SNAP91: variants seen among roughly 807,000 people sequenced by gnomAD.
SNAP91 encodes clathrin coat assembly protein AP180.
In SNAP91, 27 loss-of-function variants were observed where a neutral mutation model predicts 100.3. The observed-to-expected ratio is 0.27, with a 90% confidence interval of 0.20 to 0.37. The LOEUF (loss-of-function observed/expected upper bound fraction) is 0.37. Ranked by LOEUF, SNAP91 falls within the 10% of genes least tolerant of loss-of-function variation. The pLI is 1.00. For synonymous variants in SNAP91, 404 were observed against 398.6 expected, an observed-to-expected ratio of 1.01 and a Z score of -0.16; for missense variants, 986 against 1,123.7, an observed-to-expected ratio of 0.88 and a Z score of 1.75.
At chr6:83,699,700 A>C (rs2099267416) in intron 2 of SNAP91, among the ~76,000 whole-genome samples, 2 of 152,168 alleles carry the variant, frequency 1.3e-5, no homozygotes, top group South Asian at 4.1e-4. Context: ...CAAATTCCAA[A>C]TAGAATAAAC....
intron 22 of SNAP91, among the ~76,000 whole-genome samples, chr6:83,589,135 A>G (rs1488831900): frequency 6.6e-6 from 1 of 152,164 alleles, no homozygotes; most frequent in Non-Finnish European, 1.5e-5. Context: ...AAACTATGCT[A>G]TTTCTGTGGC....
rs1457804204 is a variant in SNAP91 at position 83,554,088 on chromosome 6, C to T, written c.*208G>A. Reference sequence around the variant, plus strand: ...ATACACAAATAATCCAAATACACTACAATTTCAAGAGTAGGGATAACAGCT... The same window carrying T: ...ATACACAAATAATCCAAATACACTATAATTTCAAGAGTAGGGATAACAGCT... On this transcript the variant is annotated 3_prime_UTR_variant, in exon 30 of 30. Coordinates refer to ENST00000369694, the MANE Select transcript of SNAP91 (RefSeq NM_001242792.2). 6.3e-6 allele frequency: 1 copy of T among 159,012 alleles called. No homozygotes were observed. Among genetic ancestry groups the T allele is most frequent in the African/African-American group, 2.4e-5 (1 of 41,522 alleles). 9.9% of individuals were successfully genotyped at this position (159,012 alleles called of 1,614,324 possible).
At chr6:83,584,879 T>A (rs539910044) in intron 22 of SNAP91, among the ~76,000 whole-genome samples, 1 of 152,208 alleles carries the variant, frequency 6.6e-6, no homozygotes, top group South Asian at 2.1e-4. Context: ...CTTTCTCACA[T>A]CCAGAAAAAA....
chr6:83,597,745 C>T (rs1233546511), intron 16 of SNAP91, among the ~76,000 whole-genome samples: 1 of 152,206 alleles, frequency 6.6e-6, no homozygotes, highest in Non-Finnish European at 1.5e-5. Flanking sequence ...CCACATAAGC[C>T]ATCTTAAATC....
intron 22 of SNAP91, among the ~76,000 whole-genome samples, chr6:83,590,402 G>C (rs2093568528): frequency 6.6e-6 from 1 of 152,050 alleles, no homozygotes; most frequent in Non-Finnish European, 1.5e-5. Flanking sequence ...CTATTTTTGA[G>C]TCCTTGAACT....
In SNAP91 at chr6:83,632,543, G is replaced by A. The variant is rs369540954; in HGVS notation, c.765+8553C>T. 1.2e-4 allele frequency among the ~76,000 whole-genome samples: 19 copies of A among 152,258 alleles called. No homozygotes were observed. The East Asian group carries it at 3.7e-3, about 29-fold the overall frequency. ...ACACCAATTATTCTTAGGTTTGGTTGTTAAACAAAATCCCAGACTTCCTGG... is the reference window on the plus strand; with the variant it reads ...ACACCAATTATTCTTAGGTTTGGTTATTAAACAAAATCCCAGACTTCCTGG... On this transcript the variant is annotated intron_variant, in intron 8 of 29. Coordinates refer to ENST00000369694, the MANE Select transcript of SNAP91 (RefSeq NM_001242792.2).
chr6:83,696,059 C>T (rs1478956996), intron 2 of SNAP91, among the ~76,000 whole-genome samples: 1 of 152,058 alleles, frequency 6.6e-6, no homozygotes, highest in Admixed American at 6.6e-5. Context: ...TGGGTACAGT[C>T]ATGCTCACTC....
intron 14 of SNAP91, 27 bp downstream of exon 14, chr6:83,605,658 A>T (rs1323686024): frequency 6.4e-7 from 1 of 1,550,388 alleles, no homozygotes; most frequent in South Asian, 1.2e-5. Flanking sequence ...GAATAGAGAA[A>T]TGGCAAGGTT....
chr6:83,594,220 T>G (rs1478486559), intron 17 of SNAP91, among the ~76,000 whole-genome samples, 154 bp downstream of exon 17: 2 of 152,260 alleles, frequency 1.3e-5, no homozygotes, highest in African/African-American at 4.8e-5. Flanking sequence ...ATTGTCTTAA[T>G]GTTTTAAATG....
At chr6:83,594,632 C>A in intron 16 of SNAP91, 151 bp from the exon 17 acceptor site, 1 of 534,124 alleles carries the variant, frequency 1.9e-6, no homozygotes. Context: ...TGTCGGTGGT[C>A]ACAAAACAAT....
rs1205311445 is a variant in SNAP91, at chr6:83,661,664, C to A, written c.350-60G>T. On this transcript the variant is annotated intron_variant, in intron 4 of 29. Coordinates refer to ENST00000369694, the MANE Select transcript of SNAP91 (RefSeq NM_001242792.2). ...ATAAAATACCTTCAACTGTGCTTTG[C>A]ATAGTACTATTTTTTTTTAACTCTC... The A allele has an allele frequency of 1.1e-5, 10 of 942,368 alleles. No individual in the cohort carries two copies. In the East Asian group the frequency reaches 2.5e-4, roughly 24 times the overall value. 58.4% of individuals were successfully genotyped at this position (942,368 alleles called of 1,614,324 possible).
intron 2 of SNAP91, among the ~76,000 whole-genome samples, chr6:83,676,563 T>C (rs2128878484): frequency 6.6e-6 from 1 of 152,240 alleles, no homozygotes; most frequent in Non-Finnish European, 1.5e-5. Flanking sequence ...AAAGCCAGTG[T>C]GACTGGAGAA....
intron 2 of SNAP91, among the ~76,000 whole-genome samples, chr6:83,704,028 G>A (rs907807861): frequency 6.6e-6 from 1 of 152,154 alleles, no homozygotes; most frequent in African/African-American, 2.4e-5. Flanking sequence ...GTTCAAGCTT[G>A]ACACAATACT....
At chr6:83,685,896 T>C (rs140011967) in intron 2 of SNAP91, among the ~76,000 whole-genome samples, 2 of 152,204 alleles carry the variant, frequency 1.3e-5, no homozygotes. Context: ...TGTGCTTCCA[T>C]CTTTTTAAAA....
intron 2 of SNAP91, among the ~76,000 whole-genome samples, chr6:83,705,686 T>C (rs2099366385): frequency 6.6e-6 from 1 of 151,962 alleles, no homozygotes; most frequent in African/African-American, 2.4e-5. Context: ...GGTGCATTCC[T>C]GTAAGTCCCA....
At chr6:83,662,730 G>A (rs1337174866) in intron 3 of SNAP91, among the ~76,000 whole-genome samples, 2 of 151,988 alleles carry the variant, frequency 1.3e-5, no homozygotes, top group African/African-American at 4.8e-5. Flanking sequence ...TCTTACGAAT[G>A]CAATTTTCAC....
At chr6:83,593,362 G>T (rs1356812407) in intron 18 of SNAP91, 103 bp from the exon 19 acceptor site, 1 of 1,511,202 alleles carries the variant, frequency 6.6e-7, no homozygotes, top group East Asian at 2.5e-5. Flanking sequence ...TCTGAATTAA[G>T]CAGCAAATGG....
chr6:83,623,060 T>C (rs1431440621), intron 9 of SNAP91, among the ~76,000 whole-genome samples: 2 of 152,138 alleles, frequency 1.3e-5, no homozygotes, highest in South Asian at 2.1e-4. Flanking sequence ...GATGAGTTCA[T>C]TTACTAAATT....
intron 26 of SNAP91, among the ~76,000 whole-genome samples, chr6:83,571,592 T>C (rs781260487): frequency 3.9e-5 from 6 of 152,242 alleles, no homozygotes; most frequent in Non-Finnish European, 8.8e-5. Context: ...ACCCCCATTG[T>C]ATCTAGGAAG....
Sources: allele counts gnomAD v4.1 joint callset (sites outside exome capture counted in the v4.1 genomes callset), GRCh38; gene constraint gnomAD v4.1.1; transcripts MANE v1.5; gene names NCBI Gene and HGNC (gene_info 2026-07-23, HGNC 2026-07-21).